The following EVC2 variants were observed in gnomAD, a reference collection of about 807,000 sequenced individuals.
EVC2 encodes limbin.
A neutral mutation model predicts 149.3 loss-of-function variants in EVC2; 148 were observed. That is an observed-to-expected ratio of 0.99 (90% CI 0.87 to 1.14). EVC2 has a LOEUF of 1.14. Ranked by LOEUF, EVC2 falls within the 50% of genes most tolerant of loss-of-function variation. The pLI, the probability that EVC2 is intolerant of heterozygous loss-of-function variation, is 0.00. For missense variants in EVC2, 1,854 were observed against 1,627.3 expected (o/e 1.14, Z -2.40); for synonymous variants, 776 against 649.9 (o/e 1.19, Z -2.95).
chr4:5,594,952 G>A lies in EVC2; in HGVS notation c.2830-10102C>T, dbSNP rs527914742. ...GCCTCCGGAGCCGATGCGATCAACT[G>A]GAAGAAAGGCTATCAGTGACGGAAG... On this transcript the variant is annotated intron_variant, in intron 16 of 21. Coordinates refer to ENST00000344408, the MANE Select transcript of EVC2 (RefSeq NM_147127.5). 6.6e-5 allele frequency among the ~76,000 whole-genome samples: 10 copies of A among 152,240 alleles called. No individual in the cohort carries two copies. In the South Asian group the frequency reaches 1.7e-3, roughly 25 times the overall value.
intron 21 of EVC2, among the ~76,000 whole-genome samples, chr4:5,564,724 T>C (rs1722161248): frequency 1.3e-5 from 2 of 152,182 alleles, no homozygotes; most frequent in South Asian, 4.1e-4. Context: ...GCCCCTCACT[T>C]CCCTCTGTCT....
At chr4:5,594,737 T>C (rs983419189) in intron 16 of EVC2, among the ~76,000 whole-genome samples, 1 of 152,104 alleles carries the variant, frequency 6.6e-6, no homozygotes, top group Non-Finnish European at 1.5e-5. Context: ...TTGGACGAGT[T>C]GAGAGAAGAA....
At chr4:5,592,294 T>G (rs868812625) in intron 16 of EVC2, among the ~76,000 whole-genome samples, 13 of 152,346 alleles carry the variant, frequency 8.5e-5, no homozygotes, top group Middle Eastern at 6.8e-3. Context: ...GGGGCTGAGC[T>G]GAACCTGTCC....
rs1577281809 is a variant in EVC2 at position 5,706,445 on chromosome 4, G to GATACATAGATAGATAGATAC, written c.228+1840_228+1841insGTATCTATCTATCTATGTAT. Among the ~76,000 whole-genome samples, 20 of 25,768 alleles carry GATACATAGATAGATAGATAC rather than the reference G, an allele frequency of 7.8e-4. 2 individuals are homozygous for GATACATAGATAGATAGATAC. Among genetic ancestry groups the GATACATAGATAGATAGATAC allele is most frequent in the Admixed American group, 1.8e-3 (4 of 2,202 alleles). The allele number at this position is 25,768 out of a possible 152,430, so 16.9% of individuals were successfully genotyped here. A position where few individuals can be genotyped will look rare whatever the true frequency, so the allele number is the denominator to read the frequency against. The stretch of plus-strand genomic sequence containing the variant: ...AGATAGATACATAGATAGATAGATA[G>GATACATAGATAGATAGATAC]ATACATACATACATACATACATACA... On this transcript the variant is annotated intron_variant, in intron 1 of 21. Coordinates refer to ENST00000344408, the MANE Select transcript of EVC2 (RefSeq NM_147127.5).
At chr4:5,652,498 T>C (rs1718215404) in intron 9 of EVC2, among the ~76,000 whole-genome samples, 1 of 152,138 alleles carries the variant, frequency 6.6e-6, no homozygotes, top group South Asian at 2.1e-4. Flanking sequence ...AACAGAAATG[T>C]CACTTCACAG....
intron 7 of EVC2, among the ~76,000 whole-genome samples, chr4:5,680,538 C>T (rs866011864): frequency 6.6e-6 from 1 of 152,160 alleles, no homozygotes; most frequent in South Asian, 2.1e-4. Flanking sequence ...ATGTAAGTCC[C>T]GTGAGTCACC....
intron 1 of EVC2, among the ~76,000 whole-genome samples, chr4:5,703,770 CA>C (rs1314581648): frequency 1.3e-5 from 2 of 151,828 alleles, no homozygotes; most frequent in Admixed American, 1.3e-4. Flanking sequence ...ATTATACAAA[CA>C]AAACAGTAAC....
Position 5,633,803 on chromosome 4 carries a change from T to C in EVC2, c.1471-1771A>G, listed in dbSNP as rs1250401641. Among the ~76,000 whole-genome samples the C allele has an allele frequency of 6.6e-6, 1 of 152,260 alleles. No homozygotes were observed. Among genetic ancestry groups the C allele is most frequent in the Non-Finnish European group, 1.5e-5 (1 of 68,046 alleles). Reference sequence around the variant, plus strand: ...TGCTCTATCACCCACCAGAATTCTCTGGTTTCAGTAAATAGCATCACTTGC... The same window carrying C: ...TGCTCTATCACCCACCAGAATTCTCCGGTTTCAGTAAATAGCATCACTTGC... On this transcript the variant is annotated intron_variant, in intron 10 of 21. Transcript: ENST00000344408. The surrounding 1 kb of genome is among the most constrained non-coding windows in gnomAD (Gnocchi z 4.4).
Position 5,622,608 on chromosome 4 carries a change from CA to C in EVC2, c.2429del (p.Leu810ArgfsTer9). On this transcript the variant is annotated frameshift_variant, in exon 14 of 22. Coordinates refer to ENST00000344408, the MANE Select transcript of EVC2 (RefSeq NM_147127.5). LOFTEE classifies it high-confidence loss of function. The surrounding 1 kb of genome is among the most constrained non-coding windows in gnomAD (Gnocchi z 5.8). ...TCACGGCCTCAGGAGCGTCATCCTT[CA>C]GTCTCTGCCTCACGCTCTGGACACC... ...QEGVQSVRQR[L>X]KDDAPEAVTE... is the part of the protein sequence containing the mutation. The C allele has an allele frequency of 6.2e-7, 1 of 1,614,026 alleles. No homozygotes were observed. The highest frequency in any genetic ancestry group is 2.2e-5 in the East Asian group (1 of 44,834).
intron 16 of EVC2, among the ~76,000 whole-genome samples, chr4:5,598,140 T>C (rs1375627112): frequency 1.3e-5 from 2 of 151,536 alleles, no homozygotes; most frequent in African/African-American, 4.8e-5. Context: ...ATGGCCATAC[T>C]GCCCAAGGTA....
intron 21 of EVC2, among the ~76,000 whole-genome samples, chr4:5,551,959 C>T (rs906762143): frequency 3.9e-5 from 6 of 152,176 alleles, no homozygotes; most frequent in Non-Finnish European, 5.9e-5. Context: ...CCTCCCCAGT[C>T]ATGTGGAACT....
intron 16 of EVC2, among the ~76,000 whole-genome samples, chr4:5,594,159 A>C (rs892304313): frequency 2.6e-5 from 4 of 152,090 alleles, no homozygotes; most frequent in Non-Finnish European, 5.9e-5. Flanking sequence ...GACAAACAAA[A>C]AGACAGCAGT....
At chr4:5,609,360 T>G (rs1714644372) in intron 16 of EVC2, among the ~76,000 whole-genome samples, 1 of 152,168 alleles carries the variant, frequency 6.6e-6, no homozygotes, top group African/African-American at 2.4e-5. Flanking sequence ...ATAAAACATC[T>G]GAACAACCGC....
At chr4:5,655,220 C>T (rs998578858) in intron 9 of EVC2, among the ~76,000 whole-genome samples, 1 of 152,208 alleles carries the variant, frequency 6.6e-6, no homozygotes, top group Non-Finnish European at 1.5e-5. Flanking sequence ...GAACCTGCCA[C>T]CTCTCAGGAA....
chr4:5,593,016 G>A (rs939614360), intron 16 of EVC2, among the ~76,000 whole-genome samples: 2 of 152,158 alleles, frequency 1.3e-5, no homozygotes, highest in African/African-American at 4.8e-5. Flanking sequence ...GGTTTTTTAA[G>A]GGATTTTTCT....
chr4:5,598,244 A>T (rs1713636667), intron 16 of EVC2, among the ~76,000 whole-genome samples: 1 of 152,104 alleles, frequency 6.6e-6, no homozygotes, highest in African/African-American at 2.4e-5. Flanking sequence ...GAACCAAAAA[A>T]GAGCCCGCAT....
chr4:5,643,780 G>C (rs1717510581), intron 9 of EVC2, among the ~76,000 whole-genome samples: 1 of 152,142 alleles, frequency 6.6e-6, no homozygotes, highest in Non-Finnish European at 1.5e-5. Context: ...AATTAGCCAG[G>C]TGTGGTGGCA....
intron 8 of EVC2, among the ~76,000 whole-genome samples, chr4:5,665,046 G>A (rs61594381): frequency 0.034 from 5,123 of 151,246 alleles, 253 homozygotes; most frequent in African/African-American, 0.11. Flanking sequence ...TGGGATGCCC[G>A]TGGGTAATGG....
At chr4:5,639,205 G>A (rs1284410889) in intron 10 of EVC2, among the ~76,000 whole-genome samples, 1 of 152,210 alleles carries the variant, frequency 6.6e-6, no homozygotes, top group Non-Finnish European at 1.5e-5. Flanking sequence ...GCCACAGTCT[G>A]CGGAAGGGAA....
Sources: gnomAD v4.1 joint callset for allele counts (sites outside exome capture counted in the v4.1 genomes callset) on GRCh38, gnomAD v4.1.1 for gene constraint, Gnocchi (gnomAD v3.1) non-coding constraint, MANE v1.5 for transcripts, NCBI Gene and HGNC (gene_info 2026-07-23, HGNC 2026-07-21) for gene names.